Variants in CAMKMT observed in about 807,000 individuals in gnomAD.
The protein encoded by CAMKMT is CaM KMT.
In CAMKMT, 53 loss-of-function variants were observed where a neutral mutation model predicts 48.0. That is an observed-to-expected ratio of 1.10 (90% CI 0.89 to 1.39). The LOEUF (loss-of-function observed/expected upper bound fraction) is 1.39. Among genes scored for constraint, CAMKMT ranks in the 40% most tolerant of loss-of-function variants. The pLI is 0.00. For missense variants in CAMKMT, 428 were observed against 402.7 expected, an observed-to-expected ratio of 1.06 and a Z score of -0.54; for synonymous variants, 165 against 152.3, an observed-to-expected ratio of 1.08 and a Z score of -0.61.
At chr2:44,533,600 G>C (rs1489282640) in intron 3 of CAMKMT, among the ~76,000 whole-genome samples, 1 of 152,112 alleles carries the variant, frequency 6.6e-6, no homozygotes, top group East Asian at 1.9e-4. Flanking sequence ...TTCTTTCCCA[G>C]GCATGCAAAA....
intron 3 of CAMKMT, among the ~76,000 whole-genome samples, chr2:44,446,272 A>C (rs144975927): frequency 1.3e-5 from 2 of 151,748 alleles, no homozygotes; most frequent in African/African-American, 4.8e-5. Context: ...AATGCCAGTT[A>C]TGTGTCAGGT....
intron 7 of CAMKMT, among the ~76,000 whole-genome samples, chr2:44,728,293 T>A (rs1172372864): frequency 3.3e-5 from 5 of 152,172 alleles, no homozygotes; most frequent in Non-Finnish European, 5.9e-5. Context: ...GGTATTAATT[T>A]TTTGATCTGC....
chr2:44,372,852 C>G lies in CAMKMT; in HGVS notation c.275C>G (p.Thr92Arg), dbSNP rs759849827. 2 of 1,613,896 alleles carry G rather than the reference C, an allele frequency of 1.2e-6. No homozygotes were observed. The highest frequency in any genetic ancestry group is 1.7e-5 in the Admixed American group (1 of 60,004). Residue 92 changes from threonine (T) to arginine (R), a missense_variant, in exon 2 of 11, where the codon ACA becomes AGA. Physicochemically the swap from Thr to Arg is moderately conservative, Grantham distance 71 (BLOSUM62 -1). Transcript: ENST00000378494. The part of the protein sequence containing the change: ...EEEVGAWVQY[T>R]SIFCPEYSIS... ...GAGGTTGGTGCATGGGTCCAATATA[C>G]AAGCATCTTCTGTCCTGAATACAGT...
In CAMKMT at chr2:44,721,557, A is replaced by G. The variant is rs117187924; in HGVS notation, c.623+6204A>G. Among the ~76,000 whole-genome samples the G allele has an allele frequency of 3.9e-4, 59 of 152,276 alleles. 1 individual carries two copies. In the East Asian group the frequency reaches 0.011, roughly 28 times the overall value. On this transcript the variant is annotated intron_variant, in intron 7 of 10. Transcript: ENST00000378494. Reference sequence around the variant, plus strand: ...AAAATTACAACTTTATTGAGATATAATTTACTTACTATACAAGTCACCCAC... The same window carrying G: ...AAAATTACAACTTTATTGAGATATAGTTTACTTACTATACAAGTCACCCAC...
At chr2:44,631,715 G>A in intron 3 of CAMKMT, 1 of 389,146 alleles carries the variant, frequency 2.6e-6, no homozygotes, top group Non-Finnish European at 4.5e-6. Context: ...TTATTGATAT[G>A]GTTATGTTTA....
intron 3 of CAMKMT, among the ~76,000 whole-genome samples, chr2:44,590,039 G>C (rs2103812499): frequency 6.6e-6 from 1 of 151,080 alleles, no homozygotes; most frequent in African/African-American, 2.4e-5. Flanking sequence ...TCAGTTTTCT[G>C]TACATTCCAT....
intron 3 of CAMKMT, among the ~76,000 whole-genome samples, chr2:44,591,915 A>G (rs370193161): frequency 0.012 from 1,764 of 152,168 alleles, 44 homozygotes; most frequent in African/African-American, 0.041. Context: ...CCTTTGTAGG[A>G]ACATGGATGA....
chr2:44,577,926 G>T (rs943083945), intron 3 of CAMKMT, among the ~76,000 whole-genome samples: 1 of 152,150 alleles, frequency 6.6e-6, no homozygotes, highest in African/African-American at 2.4e-5. Flanking sequence ...GATCGCCTTT[G>T]TCCTATCATT....
intron 1 of CAMKMT, among the ~76,000 whole-genome samples, chr2:44,370,265 C>T (rs1679024294): frequency 6.6e-6 from 1 of 152,192 alleles, no homozygotes; most frequent in Non-Finnish European, 1.5e-5. Flanking sequence ...AATTCTTACT[C>T]AGACATGTAA....
intron 2 of CAMKMT, among the ~76,000 whole-genome samples, chr2:44,380,897 C>T (rs1332973214): frequency 6.6e-6 from 1 of 152,146 alleles, no homozygotes; most frequent in Non-Finnish European, 1.5e-5. Flanking sequence ...CATGGTGGCT[C>T]ACACCTGTAA....
chr2:44,512,019 C>T (rs1461125468), intron 3 of CAMKMT, among the ~76,000 whole-genome samples: 1 of 152,178 alleles, frequency 6.6e-6, no homozygotes, highest in African/African-American at 2.4e-5. Flanking sequence ...TGAGAACTTT[C>T]TCTGCTTGTG....
intron 3 of CAMKMT, among the ~76,000 whole-genome samples, chr2:44,525,016 C>A (rs1572713737): frequency 1.3e-5 from 2 of 150,718 alleles, no homozygotes; most frequent in African/African-American, 2.4e-5. Flanking sequence ...GTATTATTTT[C>A]ATTAAATATT....
At position 44,370,189 on chromosome 2, in the gene CAMKMT, C is replaced by T. The variant is rs887187806; in HGVS notation, c.139-2527C>T. Among the ~76,000 whole-genome samples the T allele has an allele frequency of 4.6e-5, 7 of 152,202 alleles. No homozygotes were observed. The East Asian group carries it at 5.8e-4, about 13-fold the overall frequency. On this transcript the variant is annotated intron_variant, in intron 1 of 10. Transcript: ENST00000378494. ...CCCTGTGTTCTAGTTTTTTCTCTCA[C>T]GTAGTAGGTATCTATCCCATAGTGT...
chr2:44,660,535 A>G (rs1241389580), intron 3 of CAMKMT, among the ~76,000 whole-genome samples: 1 of 152,234 alleles, frequency 6.6e-6, no homozygotes, highest in Non-Finnish European at 1.5e-5. Context: ...TCCTTCCTCC[A>G]AAGTCTACAG....
At chr2:44,474,906 A>T (rs905866533) in intron 3 of CAMKMT, among the ~76,000 whole-genome samples, 2 of 152,244 alleles carry the variant, frequency 1.3e-5, no homozygotes, top group Admixed American at 1.3e-4. Flanking sequence ...AGTGCCTGGT[A>T]TGTAGAACTG....
At chr2:44,539,102 G>A (rs931452224) in intron 3 of CAMKMT, among the ~76,000 whole-genome samples, 8 of 151,162 alleles carry the variant, frequency 5.3e-5, no homozygotes, top group East Asian at 1.9e-4. Flanking sequence ...TCAGGAGTTC[G>A]AAACCAGCCT....
intron 7 of CAMKMT, among the ~76,000 whole-genome samples, chr2:44,729,233 G>T (rs563147598): frequency 1.3e-5 from 2 of 152,202 alleles, no homozygotes; most frequent in African/African-American, 4.8e-5. Context: ...ACTACAAGAG[G>T]TTAGAAATAA....
At chr2:44,632,252 G>T (rs1672875110) in intron 3 of CAMKMT, among the ~76,000 whole-genome samples, 1 of 152,082 alleles carries the variant, frequency 6.6e-6, no homozygotes, top group Non-Finnish European at 1.5e-5. Context: ...AAGTCTGCTA[G>T]TAATATCATC....
At chr2:44,421,253 G>A (rs191024324) in intron 3 of CAMKMT, among the ~76,000 whole-genome samples, 4 of 152,070 alleles carry the variant, frequency 2.6e-5, no homozygotes, top group Non-Finnish European at 5.9e-5. Flanking sequence ...TTTGAAGAAA[G>A]ACTTTTGTCT....
Sources: allele counts gnomAD v4.1 joint callset (sites outside exome capture counted in the v4.1 genomes callset), GRCh38; gene constraint gnomAD v4.1.1; transcripts MANE v1.5; gene names NCBI Gene and HGNC (gene_info 2026-07-23, HGNC 2026-07-21).